The following PDCD11 variants were observed in gnomAD, a reference collection of about 807,000 sequenced individuals.
PDCD11 encodes the protein programmed cell death 11.
Under a neutral mutation model 198.9 loss-of-function variants are expected in PDCD11, and 97 were observed. The observed-to-expected ratio is 0.49, with a 90% confidence interval of 0.41 to 0.58. The LOEUF is 0.58. PDCD11 is among the 20% of genes least tolerant of loss of function. The probability of loss-of-function intolerance (pLI) is 0.00; values close to 1 mark genes in which losing one functional copy is unlikely to be tolerated. For missense variants in PDCD11, 2,102 were observed against 2,312.7 expected, an observed-to-expected ratio of 0.91 and a Z score of 1.87; for synonymous variants, 893 against 918.0, an observed-to-expected ratio of 0.97 and a Z score of 0.49.
At chr10:103,411,153 G>A (rs967282316) in intron 8 of PDCD11, among the ~76,000 whole-genome samples, 2 of 152,018 alleles carry the variant, frequency 1.3e-5, no homozygotes, top group African/African-American at 4.8e-5. Context: ...CGGGGCTCAA[G>A]GAGTCCCCCA....
chr10:103,426,620 C>T (rs1312778258), intron 20 of PDCD11, among the ~76,000 whole-genome samples: 1 of 151,968 alleles, frequency 6.6e-6, no homozygotes, highest in Non-Finnish European at 1.5e-5. Flanking sequence ...CATGGTGAAA[C>T]CCCGTCTACT....
rs149624796 is a variant in PDCD11, at chr10:103,425,503, G to A, written c.3283G>A (p.Gly1095Arg). Residue 1095 changes from glycine to arginine, a missense_variant, in exon 20 of 36, where the codon GGG becomes AGG. Coordinates refer to ENST00000369797, the MANE Select transcript of PDCD11 (RefSeq NM_014976.2). ...GACGGTCACTGCCCGAGTGATTGGC[G>A]GGCGAGACATGAAGACATTCAAGTA... ...GKTVTARVIG[G>R]RDMKTFKYLP... The A allele has an allele frequency of 2.0e-5, 32 of 1,610,396 alleles. No individual in the cohort carries two copies. The East Asian group carries it at 2.7e-4, about 14-fold the overall frequency.
Position 103,416,727 on chromosome 10 carries a change from T to C in PDCD11, c.1755T>C (p.Val585=). 6.2e-7 allele frequency: 1 copy of C among 1,613,504 alleles called. No individual in the cohort carries two copies. ...AGTATATCCCTGACCCGGAGAGAGT[T>C]TTTTACACTGGCCAGGTAACCCTTC... ...STEYIPDPER[V]FYTGQVVKVV... is the part of the protein sequence containing the mutation. Residue 585 remains valine (V), a synonymous_variant, in exon 13 of 36, where the codon GTT becomes GTC. Coordinates refer to ENST00000369797, the MANE Select transcript of PDCD11 (RefSeq NM_014976.2).
chr10:103,412,580 G>C (rs1007730918), intron 8 of PDCD11, among the ~76,000 whole-genome samples: 2 of 152,104 alleles, frequency 1.3e-5, no homozygotes, highest in Non-Finnish European at 2.9e-5. Context: ...GCCTGCTTCG[G>C]CCTCCCAAAG....
At position 103,446,113 on chromosome 10, in the gene PDCD11, A is replaced by C. The variant is rs2032596124; in HGVS notation, c.*564A>C. 1 of 154,678 alleles carries C rather than the reference A, an allele frequency of 6.5e-6. No homozygotes were observed. The allele number at this position is 154,678 out of a possible 1,614,324, so 9.6% of individuals were successfully genotyped here. Reference sequence around the variant, plus strand: ...AATGGAGAAACCTGGGCTGCTGAGGAAAGCCACGGGTGTTGGCGTGAACTG... The same window carrying C: ...AATGGAGAAACCTGGGCTGCTGAGGCAAGCCACGGGTGTTGGCGTGAACTG... On this transcript the variant is annotated 3_prime_UTR_variant, in exon 36 of 36. Coordinates refer to ENST00000369797, the MANE Select transcript of PDCD11 (RefSeq NM_014976.2).
chr10:103,423,453 GA>G, intron 18 of PDCD11, 89 bp from the exon 19 acceptor site: 1 of 985,208 alleles, frequency 1.0e-6, no homozygotes, highest in South Asian at 1.4e-5. Context: ...TGCTTTTTTG[GA>G]TCTAAGGGGT....
intron 19 of PDCD11, among the ~76,000 whole-genome samples, chr10:103,424,489 T>G (rs1438264424): frequency 6.6e-6 from 1 of 152,214 alleles, no homozygotes; most frequent in Admixed American, 6.5e-5. Context: ...TATAAGAGCA[T>G]GAGCACAATT....
chr10:103,434,616 C>G, intron 24 of PDCD11, 182 bp from the exon 25 acceptor site: 1 of 598,242 alleles, frequency 1.7e-6, no homozygotes, highest in South Asian at 2.3e-5. Flanking sequence ...TTGTCCACCA[C>G]TTGGCCCTGA....
At position 103,423,031 on chromosome 10, in the gene PDCD11, G is replaced by A. The variant is rs377375510; in HGVS notation, c.2541G>A (p.Met847Ile). 1.2e-4 allele frequency: 199 copies of A among 1,602,570 alleles called. No homozygotes were observed. The highest frequency in any genetic ancestry group is 1.5e-4 in the Non-Finnish European group (179 of 1,174,260). Reference protein sequence around the residue: ...IQTLAEMTPGMFLDLVVQEVL... With the variant: ...IQTLAEMTPGIFLDLVVQEVL... ...CGCTGGCCGAGATGACCCCAGGAATGTTCCTTGACCTAGTGGTGCAGGAGG... is the reference window on the plus strand; with the variant it reads ...CGCTGGCCGAGATGACCCCAGGAATATTCCTTGACCTAGTGGTGCAGGAGG... The change falls in exon 18 of 36, where the codon ATG (methionine) becomes ATA (isoleucine). Residue 847 changes from methionine to isoleucine, a missense_variant. Met to Ile is a conservative substitution (Grantham distance 10, BLOSUM62 1). Coordinates refer to ENST00000369797, the MANE Select transcript of PDCD11 (RefSeq NM_014976.2).
At position 103,419,591 on chromosome 10, in the gene PDCD11, C is replaced by T. The variant is rs547950498; in HGVS notation, c.2160C>T (p.Pro720=). ...LVSTVEGGQD[P]KNFSEIHPGM... is the part of the protein sequence containing the mutation. ...CCACAGTAGAAGGTGGCCAGGATCC[C>T]AAGAACTTCTCAGAAATCCATCCTG... The change falls in exon 16 of 36, where the codon CCC becomes CCT. Residue 720 remains proline, a synonymous_variant. Coordinates refer to ENST00000369797, the MANE Select transcript of PDCD11 (RefSeq NM_014976.2). 3 of 1,614,110 alleles carry T rather than the reference C, an allele frequency of 1.9e-6. No individual in the cohort carries two copies. Among genetic ancestry groups the T allele is most frequent in the South Asian group, 2.2e-5 (2 of 91,076 alleles).
At position 103,414,399 on chromosome 10, in the gene PDCD11, C is replaced by T. The variant is rs1592121425; in HGVS notation, c.1371+69C>T. 16 of 1,109,870 alleles carry T rather than the reference C, an allele frequency of 1.4e-5. No individual in the cohort carries two copies. In the East Asian group the frequency reaches 3.8e-4, roughly 26 times the overall value. 68.8% of individuals were successfully genotyped at this position (1,109,870 alleles called of 1,614,324 possible). A position where few individuals can be genotyped will look rare whatever the true frequency, so the allele number is the denominator to read the frequency against. ...CGTTCTTTAGTTCACGCACAGGTGA[C>T]TGTCAGCCCGTTAGTCCTCATGTTA... On this transcript the variant is annotated intron_variant, in intron 11 of 35. Coordinates refer to ENST00000369797, the MANE Select transcript of PDCD11 (RefSeq NM_014976.2).
Position 103,406,776 on chromosome 10 carries a change from G to A in PDCD11, c.856G>A (p.Ala286Thr). Reference sequence around the variant, plus strand: ...CTTGCTACCAGGACTGGTGGTCAAAGCTCAGGTACAGAAGGTAAGCTGTTA... The same window carrying A: ...CTTGCTACCAGGACTGGTGGTCAAAACTCAGGTACAGAAGGTAAGCTGTTA... Reference protein sequence around the residue: ...NNLLPGLVVKAQVQKVTPFGL... With the variant: ...NNLLPGLVVKTQVQKVTPFGL... The change falls in exon 7 of 36, where the codon GCT (alanine) becomes ACT (threonine). Residue 286 changes from alanine to threonine, a missense_variant. Ala to Thr is a moderately conservative substitution (Grantham distance 58). Coordinates refer to ENST00000369797, the MANE Select transcript of PDCD11 (RefSeq NM_014976.2). The A allele has an allele frequency of 6.2e-7, 1 of 1,613,676 alleles. No homozygotes were observed. The highest frequency in any genetic ancestry group is 1.1e-5 in the South Asian group (1 of 90,992).
At chr10:103,422,890 C>T in intron 17 of PDCD11, 98 bp from the exon 18 acceptor site, 1 of 1,130,468 alleles carries the variant, frequency 8.8e-7, no homozygotes, top group Non-Finnish European at 1.2e-6. Flanking sequence ...GGTTCCAGTG[C>T]TCCACTGTCC....
At chr10:103,443,613 G>A (rs763915791) in intron 33 of PDCD11, among the ~76,000 whole-genome samples, 7 of 152,196 alleles carry the variant, frequency 4.6e-5, no homozygotes, top group Non-Finnish European at 1.0e-4. Flanking sequence ...AGAAGGGGAC[G>A]TCCCGGCCCA....
At chr10:103,411,016 A>C (rs1592118204) in intron 8 of PDCD11, among the ~76,000 whole-genome samples, 1 of 151,326 alleles carries the variant, frequency 6.6e-6, no homozygotes, top group Admixed American at 6.6e-5. Flanking sequence ...CAGAGGTTGC[A>C]GTGAGCCGAG....
intron 2 of PDCD11, among the ~76,000 whole-genome samples, chr10:103,400,088 A>G (rs1022385705): frequency 3.9e-5 from 6 of 152,130 alleles, no homozygotes; most frequent in African/African-American, 1.2e-4. Flanking sequence ...TTCATGCACT[A>G]TTCTACATTG....
chr10:103,425,606 A>G (rs939326665), intron 20 of PDCD11, 81 bp downstream of exon 20: 1 of 1,238,754 alleles, frequency 8.1e-7, no homozygotes, highest in South Asian at 1.4e-5. Context: ...GTGGGCTCCA[A>G]AAAGTTGCAT....
rs749895268 is a variant in PDCD11, at chr10:103,434,899, A to G, written c.3769A>G (p.Thr1257Ala). ...CTCCTTCCCCTTTGGGAAGATAGGA[A>G]CAGTCAGTATATTTCACATGAGTGA... Reference protein sequence around the residue: ...TVSFPFGKIGTVSIFHMSDSY... With the variant: ...TVSFPFGKIGAVSIFHMSDSY... Residue 1257 changes from threonine (T) to alanine (A), a missense_variant, in exon 25 of 36, where the codon ACA becomes GCA. Physicochemically the swap from Thr to Ala is moderately conservative, Grantham distance 58 (BLOSUM62 0). Coordinates refer to ENST00000369797, the MANE Select transcript of PDCD11 (RefSeq NM_014976.2). 1.2e-6 allele frequency: 2 copies of G among 1,612,878 alleles called. No homozygotes were observed. Among genetic ancestry groups the G allele is most frequent in the Non-Finnish European group, 1.7e-6 (2 of 1,179,510 alleles).
intron 13 of PDCD11, among the ~76,000 whole-genome samples, chr10:103,417,582 A>G (rs2031179408): frequency 6.6e-6 from 1 of 152,250 alleles, no homozygotes; most frequent in African/African-American, 2.4e-5. Context: ...GGATTGTACA[A>G]AAAAAGTTAC....
Sources: allele counts gnomAD v4.1 joint callset (sites outside exome capture counted in the v4.1 genomes callset), GRCh38; gene constraint gnomAD v4.1.1; transcripts MANE v1.5; gene names NCBI Gene and HGNC (gene_info 2026-07-23, HGNC 2026-07-21).